MAPDA: variants seen among roughly 807,000 people sequenced by gnomAD.
MAPDA encodes N6-Methyl-AMP deaminase.
the MAPDA span, among the ~76,000 whole-genome samples, chr15:43,341,715 A>G: frequency 6.6e-6 from 1 of 152,122 alleles, no homozygotes; most frequent in African/African-American, 2.4e-5. Flanking sequence ...TGATCGTGCC[A>G]CTGCCCTCCA....
the MAPDA span, chr15:43,351,076 T>G: frequency 6.5e-7 from 1 of 1,530,760 alleles, no homozygotes; most frequent in East Asian, 2.5e-5. Flanking sequence ...TTGCTCCTTT[T>G]TGCTCCCTGA....
the MAPDA span, among the ~76,000 whole-genome samples, chr15:43,343,281 A>G: frequency 6.6e-6 from 1 of 152,250 alleles, no homozygotes; most frequent in Middle Eastern, 3.2e-3. Context: ...GTATTTTTAC[A>G]TGAGTAAAGT....
chr15:43,346,118 C>T, the MAPDA span: 2 of 1,171,088 alleles, frequency 1.7e-6, no homozygotes, highest in East Asian at 4.9e-5. Context: ...CCTGTTCTGC[C>T]CTGGATGACC....
chr15:43,336,722 AT>A, the MAPDA span: 1 of 1,472,056 alleles, frequency 6.8e-7, no homozygotes, highest in Non-Finnish European at 9.1e-7. Flanking sequence ...TGGTTTAAAA[AT>A]TATGAAGTAA....
the MAPDA span, chr15:43,351,067 T>C: frequency 6.5e-7 from 1 of 1,530,944 alleles, no homozygotes; most frequent in Non-Finnish European, 8.9e-7. Flanking sequence ...TGAAGTATTT[T>C]GCTCCTTTTT....
the MAPDA span, chr15:43,349,375 T>C: frequency 3.3e-5 from 31 of 941,996 alleles, 1 homozygote; most frequent in African/African-American, 4.9e-4. Flanking sequence ...TATGAAAATA[T>C]GTAACATTAT....
At chr15:43,346,896 C>A in the MAPDA span, 1 of 767,844 alleles carries the variant, frequency 1.3e-6, no homozygotes, top group Admixed American at 2.3e-5. Context: ...ACAAGATGTG[C>A]AAATGAATTA....
the MAPDA span, chr15:43,340,398 G>A: frequency 6.0e-6 from 9 of 1,505,752 alleles, no homozygotes; most frequent in African/African-American, 1.4e-5. Context: ...TTTCCTATGT[G>A]CTTTGATCAC....
chr15:43,334,969 A>T, the MAPDA span: 1 of 684,528 alleles, frequency 1.5e-6, no homozygotes, highest in Non-Finnish European at 2.4e-6. Context: ...AGATCTACAC[A>T]TACAGCTAAT....
At chr15:43,330,610 C>T in the MAPDA span, 3 of 1,180,674 alleles carry the variant, frequency 2.5e-6, no homozygotes, top group Non-Finnish European at 3.4e-6. Flanking sequence ...CTTCCCCTTC[C>T]GCCGGCACTT....
the MAPDA span, among the ~76,000 whole-genome samples, chr15:43,343,615 G>A: frequency 5.3e-5 from 8 of 151,974 alleles, no homozygotes; most frequent in Non-Finnish European, 1.0e-4. Flanking sequence ...TAATCCTCTA[G>A]TCACCCATCT....
chr15:43,332,366 G>T, the MAPDA span: 1 of 151,612 alleles, frequency 6.6e-6, no homozygotes, highest in Non-Finnish European at 1.5e-5. Flanking sequence ...GTATCTCAGG[G>T]TTGATTGAGG....
chr15:43,351,824 C>G, the MAPDA span: 1 of 1,551,602 alleles, frequency 6.4e-7, no homozygotes, highest in Non-Finnish European at 8.7e-7. Context: ...TTTAATTTGA[C>G]CCAGTCTCAG....
chr15:43,349,231 C>A, the MAPDA span: 2 of 1,384,108 alleles, frequency 1.4e-6, no homozygotes, highest in African/African-American at 2.9e-5. Flanking sequence ...AGAATATAAG[C>A]TCTATGAGAG....
the MAPDA span, chr15:43,351,363 G>A: frequency 6.0e-6 from 2 of 331,582 alleles, no homozygotes; most frequent in South Asian, 5.1e-5. Flanking sequence ...GACATGAGAG[G>A]CTACAGAGGG....
the MAPDA span, chr15:43,350,918 GT>G: frequency 2.0e-6 from 3 of 1,537,958 alleles, no homozygotes; most frequent in Non-Finnish European, 8.8e-7. Context: ...TTAATAAGAG[GT>G]TTTTTTCCCC....
chr15:43,333,020 G>A, the MAPDA span, among the ~76,000 whole-genome samples: 2 of 152,062 alleles, frequency 1.3e-5, no homozygotes, highest in Non-Finnish European at 2.9e-5. Context: ...AATTTCCATA[G>A]GTTAACATTG....
chr15:43,341,663 A>ACCC, the MAPDA span, among the ~76,000 whole-genome samples: 7 of 150,146 alleles, frequency 4.7e-5, no homozygotes, highest in Admixed American at 2.7e-4. Context: ...GCATCATAAG[A>ACCC]CCCCCCCCAC....
the MAPDA span, chr15:43,330,479 CG>C: frequency 3.3e-6 from 5 of 1,520,792 alleles, no homozygotes; most frequent in Non-Finnish European, 4.4e-6. Flanking sequence ...CTCACGGCTC[CG>C]GGGGCCCATG....
Sources: gnomAD v4.1 joint callset for allele counts (sites outside exome capture counted in the v4.1 genomes callset) on GRCh38, gnomAD v4.1.1 for gene constraint, MANE v1.5 for transcripts, NCBI Gene and HGNC (gene_info 2026-07-23, HGNC 2026-07-21) for gene names.